The following PLLP variants were observed in gnomAD, a reference collection of about 807,000 sequenced individuals.
PLLP encodes plasmolipin, also known as plasma membrane proteolipid (plasmolipin).
Under a neutral mutation model 19.7 loss-of-function variants are expected in PLLP, and 15 were observed. The observed-to-expected ratio is 0.76, with a 90% CI of 0.51 to 1.17. The LOEUF (loss-of-function observed/expected upper bound fraction) is 1.17, where lower values mean the gene tolerates loss of function less well. PLLP is among the 50% of genes most tolerant of loss of function. The pLI is 0.00. For synonymous variants in PLLP, 111 were observed against 116.3 expected, an observed-to-expected ratio of 0.95 and a Z score of 0.29; for missense variants, 255 against 258.3, an observed-to-expected ratio of 0.99 and a Z score of 0.09.
At position 57,256,909 on chromosome 16, in the gene PLLP, T is replaced by C; in HGVS notation, c.*4A>G. 4 of 1,596,792 alleles carry C rather than the reference T, an allele frequency of 2.5e-6. No individual in the cohort carries two copies. The highest frequency in any genetic ancestry group is 3.4e-6 in the Non-Finnish European group (4 of 1,165,662). On this transcript the variant is annotated 3_prime_UTR_variant, in exon 4 of 4. Transcript: ENST00000219207. Reference sequence around the variant, plus strand: ...GCCCCAGAGGGGGCCGTGGCACAGGTGGTTTAGGCATAGCCGCCAGCCATC... The same window carrying C: ...GCCCCAGAGGGGGCCGTGGCACAGGCGGTTTAGGCATAGCCGCCAGCCATC...
intron 2 of PLLP, among the ~76,000 whole-genome samples, chr16:57,259,572 C>G (rs2075435973): frequency 6.6e-6 from 1 of 152,240 alleles, no homozygotes; most frequent in Non-Finnish European, 1.5e-5. Context: ...CTTCAAACGC[C>G]TGGTCCTCAA....
At chr16:57,270,909 A>G (rs1235896037) in intron 1 of PLLP, among the ~76,000 whole-genome samples, 2 of 152,148 alleles carry the variant, frequency 1.3e-5, no homozygotes, top group African/African-American at 4.8e-5. Context: ...TGCCAAACGG[A>G]GTCATTCAGT....
rs373825790 is a variant in PLLP at position 57,261,849 on chromosome 16, C to A, written c.309+48G>T. ...CCCTGCCACTTCTTCTAGGGAAAGTCACAGTGGTCCTGTCATAGCCACTTC... is the reference window on the plus strand; with the variant it reads ...CCCTGCCACTTCTTCTAGGGAAAGTAACAGTGGTCCTGTCATAGCCACTTC... On this transcript the variant is annotated intron_variant, in intron 2 of 3. Coordinates refer to ENST00000219207, the MANE Select transcript of PLLP (RefSeq NM_015993.3). 11 of 1,561,940 alleles carry A rather than the reference C, an allele frequency of 7.0e-6. No homozygotes were observed. In the African/African-American group the frequency reaches 1.4e-4, roughly 19 times the overall value.
At chr16:57,262,217 T>C in intron 1 of PLLP, 147 bp from the exon 2 acceptor site, 1 of 727,392 alleles carries the variant, frequency 1.4e-6, no homozygotes, top group Non-Finnish European at 2.3e-6. Flanking sequence ...AGGCCAGGAG[T>C]TCAAGACCAG....
At chr16:57,282,257 T>C (rs979817042) in intron 1 of PLLP, among the ~76,000 whole-genome samples, 1 of 151,768 alleles carries the variant, frequency 6.6e-6, no homozygotes, top group Non-Finnish European at 1.5e-5. Flanking sequence ...TGTGTTTGTC[T>C]GTTTGAGACA....
Position 57,256,870 on chromosome 16 carries a change from C to T in PLLP, c.*43G>A. 1 of 1,344,590 alleles carries T rather than the reference C, an allele frequency of 7.4e-7. No individual in the cohort carries two copies. The highest frequency in any genetic ancestry group is 1.1e-6 in the Non-Finnish European group (1 of 939,450). The allele number at this position is 1,344,590 out of a possible 1,614,324, so 83.3% of individuals were successfully genotyped here. ...TGCAGGGTGACCCTGCTCTGTGACC[C>T]AGCGGCGGCTTCAGCCCCAGAGGGG... On this transcript the variant is annotated 3_prime_UTR_variant, in exon 4 of 4. Coordinates refer to ENST00000219207, the MANE Select transcript of PLLP (RefSeq NM_015993.3).
At chr16:57,276,591 C>CAAA (rs34532075) in intron 1 of PLLP, among the ~76,000 whole-genome samples, 16 of 107,890 alleles carry the variant, frequency 1.5e-4, no homozygotes, top group African/African-American at 4.4e-4. Flanking sequence ...GACTCTGTCT[C>CAAA]AAAAAAAAAA....
rs1233108939 is a variant in PLLP at position 57,284,658 on chromosome 16, G to A, written c.-118C>T. 8.9e-6 allele frequency: 9 copies of A among 1,015,476 alleles called. No homozygotes were observed. The highest frequency in any genetic ancestry group is 1.0e-5 in the Non-Finnish European group (8 of 787,672). The allele number at this position is 1,015,476 out of a possible 1,614,324, so 62.9% of individuals were successfully genotyped here. ...TCCGGATCCCTGTGTGGCTCCAGGC[G>A]CTGCAGGAGGCGTCGGGGCTGGGAG... is the stretch of plus-strand genomic sequence containing the variant. On this transcript the variant is annotated 5_prime_UTR_variant, in exon 1 of 4. Transcript: ENST00000219207.
At chr16:57,275,885 G>A (rs1456620869) in intron 1 of PLLP, among the ~76,000 whole-genome samples, 3 of 152,222 alleles carry the variant, frequency 2.0e-5, no homozygotes, top group East Asian at 1.9e-4. Flanking sequence ...GGAGGCCGAG[G>A]CAGGAGTACT....
chr16:57,263,971 G>A (rs1258227698), intron 1 of PLLP, among the ~76,000 whole-genome samples: 1 of 152,136 alleles, frequency 6.6e-6, no homozygotes, highest in South Asian at 2.1e-4. Flanking sequence ...AAGCGGCTCC[G>A]GAGCAGGACC....
Position 57,262,005 on chromosome 16 carries a change from G to C in PLLP, c.201C>G (p.Gly67=). 1 of 1,614,166 alleles carries C rather than the reference G, an allele frequency of 6.2e-7. No homozygotes were observed. The highest frequency in any genetic ancestry group is 1.3e-5 in the African/African-American group (1 of 75,040). ...DTPYHLYPAY[G]WVMFVAVFLW... is the part of the protein sequence containing the mutation. ...GGAAGACAGCGACGAACATCACCCA[G>C]CCATAGGCCGGATACAGGTGGTACG... Residue 67 remains glycine, a synonymous_variant, in exon 2 of 4, where the codon GGC becomes GGG. Transcript: ENST00000219207.
At chr16:57,262,983 C>A (rs1204508723) in intron 1 of PLLP, among the ~76,000 whole-genome samples, 1 of 152,166 alleles carries the variant, frequency 6.6e-6, no homozygotes, top group African/African-American at 2.4e-5. Flanking sequence ...AGGGCACAGC[C>A]GTGGCTGTCT....
chr16:57,265,952 G>A (rs1053433614), intron 1 of PLLP, among the ~76,000 whole-genome samples: 7 of 152,126 alleles, frequency 4.6e-5, no homozygotes, highest in Non-Finnish European at 8.8e-5. Flanking sequence ...ATGGAGCCTG[G>A]GAAGTCAAGG....
chr16:57,280,560 A>G (rs11645089), intron 1 of PLLP, among the ~76,000 whole-genome samples: 1 of 151,888 alleles, frequency 6.6e-6, no homozygotes, highest in Non-Finnish European at 1.5e-5. Flanking sequence ...ATCCATTGGC[A>G]AGAGAAAACA....
intron 1 of PLLP, 42 bp downstream of exon 1, chr16:57,284,364 G>T: frequency 7.5e-7 from 1 of 1,330,920 alleles, no homozygotes; most frequent in South Asian, 1.8e-5. Flanking sequence ...TGGCCGGACC[G>T]GGAGCCCCCG....
intron 1 of PLLP, among the ~76,000 whole-genome samples, chr16:57,269,506 G>A (rs373634440): frequency 5.3e-5 from 8 of 152,188 alleles, no homozygotes; most frequent in South Asian, 4.1e-4. Context: ...CATAGCAGTC[G>A]TGAGCAGTCG....
chr16:57,263,927 C>T (rs2075449474), intron 1 of PLLP, among the ~76,000 whole-genome samples: 1 of 152,196 alleles, frequency 6.6e-6, no homozygotes, highest in African/African-American at 2.4e-5. Flanking sequence ...AGTGACCTTG[C>T]CACCAGCCCA....
intron 1 of PLLP, among the ~76,000 whole-genome samples, chr16:57,274,918 T>C (rs1027231194): frequency 6.6e-6 from 1 of 151,896 alleles, no homozygotes; most frequent in South Asian, 2.1e-4. Flanking sequence ...CCCGCCACCA[T>C]GCCCGGCTAA....
chr16:57,276,632 A>G (rs1349522978), intron 1 of PLLP, among the ~76,000 whole-genome samples: 1 of 151,534 alleles, frequency 6.6e-6, no homozygotes, highest in Non-Finnish European at 1.5e-5. Context: ...TGAAAATAAC[A>G]CTACATTGAC....
Sources: gnomAD v4.1 joint callset for allele counts (sites outside exome capture counted in the v4.1 genomes callset) on GRCh38, gnomAD v4.1.1 for gene constraint, MANE v1.5 for transcripts, NCBI Gene and HGNC (gene_info 2026-07-23, HGNC 2026-07-21) for gene names.